LRP1B: variants seen among roughly 807,000 people sequenced by gnomAD.
LRP1B encodes the protein LDL receptor related protein 1B.
Under a neutral mutation model 556.6 loss-of-function variants are expected in LRP1B, and 217 were observed. That is an observed-to-expected ratio of 0.39 (90% CI 0.35 to 0.44). The LOEUF (loss-of-function observed/expected upper bound fraction) is 0.44, where lower values mean the gene tolerates loss of function less well. Among genes scored for constraint, LRP1B ranks in the 20% least tolerant of loss-of-function variants. LRP1B has a pLI of 1.00. For synonymous variants in LRP1B, 2,047 were observed against 1,865.8 expected (o/e 1.10, Z -2.50); for missense variants, 5,053 against 5,620.8 (o/e 0.90, Z 3.23).
intron 1 of LRP1B, among the ~76,000 whole-genome samples, chr2:141,950,733 T>C (rs571330337): frequency 6.6e-6 from 1 of 152,152 alleles, no homozygotes; most frequent in Non-Finnish European, 1.5e-5. Flanking sequence ...TTCATCATCT[T>C]TTTTGAATTT....
At chr2:140,254,627 C>T (rs1319053388) in intron 86 of LRP1B, among the ~76,000 whole-genome samples, 2 of 152,076 alleles carry the variant, frequency 1.3e-5, no homozygotes, top group Non-Finnish European at 2.9e-5. Context: ...GATCTCGGCT[C>T]ACTGCAACCT....
At chr2:140,585,221 C>T (rs1292607736) in intron 43 of LRP1B, among the ~76,000 whole-genome samples, 1 of 151,990 alleles carries the variant, frequency 6.6e-6, no homozygotes, top group African/African-American at 2.4e-5. Context: ...GGGGGATTTA[C>T]AAGAATTAAC....
intron 14 of LRP1B, among the ~76,000 whole-genome samples, chr2:141,009,070 G>T (rs575929079): frequency 4.4e-4 from 67 of 151,870 alleles, no homozygotes; most frequent in Middle Eastern, 6.8e-3. Flanking sequence ...CAAAATGGTG[G>T]AACAAAGAAA....
chr2:141,845,301 T>G (rs1697608740), intron 1 of LRP1B, among the ~76,000 whole-genome samples: 1 of 151,616 alleles, frequency 6.6e-6, no homozygotes, highest in Admixed American at 6.6e-5. Context: ...AAAAAGCAAA[T>G]GGGATCAGGT....
At chr2:141,518,211 G>A (rs944273286) in intron 2 of LRP1B, among the ~76,000 whole-genome samples, 3 of 152,056 alleles carry the variant, frequency 2.0e-5, no homozygotes, top group East Asian at 1.9e-4. Context: ...CAGAGAGCTC[G>A]GTAGACAGAG....
At chr2:141,119,083 A>T (rs1700978941) in intron 7 of LRP1B, among the ~76,000 whole-genome samples, 1 of 151,942 alleles carries the variant, frequency 6.6e-6, no homozygotes, top group African/African-American at 2.4e-5. Flanking sequence ...TAACTTGATG[A>T]GTTAATTTTG....
intron 2 of LRP1B, among the ~76,000 whole-genome samples, chr2:141,627,280 G>A (rs891923028): frequency 6.6e-6 from 1 of 152,354 alleles, no homozygotes; most frequent in Admixed American, 6.5e-5. Flanking sequence ...TGGTTTCCAG[G>A]AGTTAAGGGG....
intron 16 of LRP1B, among the ~76,000 whole-genome samples, chr2:140,991,175 T>C (rs1398499738): frequency 6.6e-6 from 1 of 152,132 alleles, no homozygotes; most frequent in Non-Finnish European, 1.5e-5. Context: ...TCTGATGTAT[T>C]AGAGAGCCAA....
intron 16 of LRP1B, among the ~76,000 whole-genome samples, chr2:140,992,287 A>T (rs927019302): frequency 6.6e-6 from 1 of 152,134 alleles, no homozygotes; most frequent in Non-Finnish European, 1.5e-5. Flanking sequence ...TTGAAGAGTG[A>T]TGATAATAAG....
intron 20 of LRP1B, among the ~76,000 whole-genome samples, chr2:140,949,466 T>C (rs184748502): frequency 9.2e-5 from 14 of 152,214 alleles, no homozygotes; most frequent in Non-Finnish European, 1.5e-4. Flanking sequence ...CTCCTTCCTT[T>C]CTTAGCTTGT....
chr2:141,914,108 G>A (rs1699973663), intron 1 of LRP1B, among the ~76,000 whole-genome samples: 1 of 151,952 alleles, frequency 6.6e-6, no homozygotes. Flanking sequence ...ATCATACCTA[G>A]GTCCGTATTA....
At chr2:141,019,683 T>C (rs1698009918) in intron 12 of LRP1B, among the ~76,000 whole-genome samples, 1 of 152,044 alleles carries the variant, frequency 6.6e-6, no homozygotes, top group Non-Finnish European at 1.5e-5. Context: ...TAATTTTGAA[T>C]AAATCAAGTA....
intron 3 of LRP1B, among the ~76,000 whole-genome samples, chr2:141,259,974 C>T (rs71417136): frequency 0.1 from 15,703 of 152,118 alleles, 1,025 homozygotes; most frequent in South Asian, 0.17. Context: ...CCTGCCATAT[C>T]GTATATACAC....
chr2:141,873,072 A>G (rs1470084049), intron 1 of LRP1B, among the ~76,000 whole-genome samples: 1 of 152,042 alleles, frequency 6.6e-6, no homozygotes, highest in Non-Finnish European at 1.5e-5. Flanking sequence ...TTTCAGATTT[A>G]TGACCAAAGC....
chr2:140,608,023 AAAT>A (rs899177604), intron 41 of LRP1B, among the ~76,000 whole-genome samples: 17 of 151,960 alleles, frequency 1.1e-4, no homozygotes, highest in African/African-American at 2.6e-4. Context: ...ATCTAAAATA[AAAT>A]AATAATTTTT....
chr2:140,769,195 G>A lies in LRP1B; in HGVS notation c.5758+18C>T. 6.2e-7 allele frequency: 1 copy of A among 1,607,084 alleles called. No individual in the cohort carries two copies. The highest frequency in any genetic ancestry group is 8.5e-7 in the Non-Finnish European group (1 of 1,175,386). On this transcript the variant is annotated intron_variant, in intron 35 of 90. Coordinates refer to ENST00000389484, the MANE Select transcript of LRP1B (RefSeq NM_018557.3). ...AGTGAATATATTATGCATAAATTAT[G>A]ACTAAAAAGCTATTTACCTGCATGG...
At chr2:140,441,639 T>A (rs901292541) in intron 66 of LRP1B, among the ~76,000 whole-genome samples, 1 of 152,180 alleles carries the variant, frequency 6.6e-6, no homozygotes, top group African/African-American at 2.4e-5. Flanking sequence ...CCCATAAAAG[T>A]TCAATGAAAG....
intron 60 of LRP1B, among the ~76,000 whole-genome samples, chr2:140,465,833 G>A (rs1558901335): frequency 6.6e-6 from 1 of 151,976 alleles, no homozygotes; most frequent in Non-Finnish European, 1.5e-5. Context: ...TTTAGAAATG[G>A]CAGTTAATTT....
In LRP1B at chr2:141,733,739, C is replaced by T. The variant is rs935896703; in HGVS notation, c.205+76540G>A. 2.4e-4 allele frequency among the ~76,000 whole-genome samples: 37 copies of T among 152,200 alleles called. No individual in the cohort carries two copies. In the East Asian group the frequency reaches 3.5e-3, roughly 14 times the overall value. On this transcript the variant is annotated intron_variant, in intron 2 of 90. Coordinates refer to ENST00000389484, the MANE Select transcript of LRP1B (RefSeq NM_018557.3). ...TTCACAACTCCATGCTTTGAGAGTA[C>T]GGTTCCTACTGCTAGAATTGGCCTT...
Sources: allele counts gnomAD v4.1 joint callset (sites outside exome capture counted in the v4.1 genomes callset), GRCh38; gene constraint gnomAD v4.1.1; transcripts MANE v1.5; gene names NCBI Gene and HGNC (gene_info 2026-07-23, HGNC 2026-07-21).